Variants in TRPM3 observed in about 807,000 individuals in gnomAD.
TRPM3 encodes the protein long transient receptor potential channel 3.
A neutral mutation model predicts 181.2 loss-of-function variants in TRPM3; 77 were observed. The observed-to-expected ratio is 0.42, with a 90% CI of 0.35 to 0.51. TRPM3 has a LOEUF of 0.51. Among genes scored for constraint, TRPM3 ranks in the 20% least tolerant of loss-of-function variants. The pLI is 0.01. For synonymous variants in TRPM3, 745 were observed against 796.4 expected (o/e 0.94, Z 1.09); for missense variants, 1,759 against 2,196.7 (o/e 0.80, Z 3.98).
chr9:71,433,884 G>A lies in TRPM3; in HGVS notation c.183+12769C>T, dbSNP rs189810745. On this transcript the variant is annotated intron_variant, in intron 1 of 24. Coordinates refer to the TRPM3 transcript ENST00000357533. ...AGAATGTCATCCTGAGGCTGGGCACGGTGACTCACATCTGTAATCCCAGCA... is the reference window on the plus strand; with the variant it reads ...AGAATGTCATCCTGAGGCTGGGCACAGTGACTCACATCTGTAATCCCAGCA... Among the ~76,000 whole-genome samples, 653 of 152,218 alleles carry A rather than the reference G, an allele frequency of 4.3e-3. 3 individuals carry two copies. Among genetic ancestry groups the A allele is most frequent in the African/African-American group, 0.015 (617 of 41,526 alleles).
At chr9:71,215,618 T>G (rs1321642551) in intron 1 of TRPM3, among the ~76,000 whole-genome samples, 1 of 152,222 alleles carries the variant, frequency 6.6e-6, no homozygotes, top group East Asian at 1.9e-4. Flanking sequence ...CACTAAATTT[T>G]TTAGACCATG....
At chr9:70,776,278 T>C (rs2130701369) in intron 7 of TRPM3, 1 of 525,088 alleles carries the variant, frequency 1.9e-6, no homozygotes, top group Non-Finnish European at 3.4e-6. Context: ...AGGTTAGGAC[T>C]CTTTAAAGGC....
At chr9:70,780,853 C>T (rs139796870) in intron 7 of TRPM3, among the ~76,000 whole-genome samples, 53 of 152,180 alleles carry the variant, frequency 3.5e-4, no homozygotes, top group Non-Finnish European at 5.4e-4. Context: ...AATTTTAAAA[C>T]GTCTTAAGAT....
intron 7 of TRPM3, among the ~76,000 whole-genome samples, chr9:70,770,596 T>C (rs2080033836): frequency 6.6e-6 from 1 of 152,244 alleles, no homozygotes; most frequent in Non-Finnish European, 1.5e-5. Flanking sequence ...TGCTATGGTA[T>C]GGTGCCTTTG....
intron 1 of TRPM3, among the ~76,000 whole-genome samples, chr9:71,086,826 G>C (rs1222568100): frequency 6.6e-6 from 1 of 152,040 alleles, no homozygotes; most frequent in East Asian, 1.9e-4. Flanking sequence ...GGCAGAGCTA[G>C]GAGTAGGTTA....
chr9:71,203,827 C>T (rs2078949388), intron 1 of TRPM3, among the ~76,000 whole-genome samples: 1 of 152,100 alleles, frequency 6.6e-6, no homozygotes, highest in South Asian at 2.1e-4. Flanking sequence ...TTTTCTGCTT[C>T]TCCTCCTCCT....
chr9:70,959,396 AT>A (rs1199188438), intron 1 of TRPM3, among the ~76,000 whole-genome samples: 4 of 152,128 alleles, frequency 2.6e-5, no homozygotes, highest in Non-Finnish European at 5.9e-5. Flanking sequence ...GTACTGGATG[AT>A]GGCAGAAGGG....
chr9:71,072,665 C>T (rs1381166617), intron 1 of TRPM3, among the ~76,000 whole-genome samples: 5 of 152,158 alleles, frequency 3.3e-5, no homozygotes, highest in African/African-American at 4.8e-5. Flanking sequence ...GGCACAATAT[C>T]ATGCATTGTT....
At chr9:71,158,656 G>A (rs1204212338) in intron 1 of TRPM3, among the ~76,000 whole-genome samples, 1 of 152,054 alleles carries the variant, frequency 6.6e-6, no homozygotes, top group Non-Finnish European at 1.5e-5. Context: ...CTCTTATAGA[G>A]CCTGTGATGG....
At chr9:71,077,260 A>C (rs946006863) in intron 1 of TRPM3, among the ~76,000 whole-genome samples, 1 of 150,160 alleles carries the variant, frequency 6.7e-6, no homozygotes, top group Non-Finnish European at 1.5e-5. Context: ...ACTCAGAAGT[A>C]CTTCTAGGTT....
intron 1 of TRPM3, among the ~76,000 whole-genome samples, chr9:70,960,130 T>A (rs1296513921): frequency 6.6e-6 from 1 of 152,166 alleles, no homozygotes; most frequent in Non-Finnish European, 1.5e-5. Flanking sequence ...GTTCTTTTTT[T>A]TTTTTTTTAA....
Position 70,536,492 on chromosome 9 carries a change from T to A in TRPM3, c.4621A>T (p.Arg1541Trp), listed in dbSNP as rs1462445519. The A allele has an allele frequency of 6.2e-7, 1 of 1,614,140 alleles. No individual in the cohort carries two copies. The highest frequency in any genetic ancestry group is 1.7e-5 in the Admixed American group (1 of 60,014). The stretch of plus-strand genomic sequence containing the variant: ...ACCCCAAAGTTGGCATAATAGCTCC[T>A]TGAGGGGGAAAACATAAAGCTATGA... ...KSHSFMFSPS[R>W]SYYANFGVPV... is the part of the protein sequence containing the mutation. The change falls in exon 26 of 26, where the codon AGG (arginine) becomes TGG (tryptophan). Residue 1541 changes from arginine (R) to tryptophan (W), a missense_variant. Arg to Trp is a moderately radical substitution (Grantham distance 101). Transcript: ENST00000677713.
At chr9:71,218,920 A>T (rs1176555602) in intron 1 of TRPM3, among the ~76,000 whole-genome samples, 1 of 152,228 alleles carries the variant, frequency 6.6e-6, no homozygotes, top group African/African-American at 2.4e-5. Context: ...GTAGGTCCAC[A>T]TTCCAATGAA....
chr9:71,012,206 G>A (rs1208738415), intron 1 of TRPM3, among the ~76,000 whole-genome samples: 3 of 152,036 alleles, frequency 2.0e-5, no homozygotes, highest in Non-Finnish European at 4.4e-5. Context: ...TTGCAAATAG[G>A]TATTGTGTTT....
At chr9:71,017,464 T>A (rs1430293420) in intron 1 of TRPM3, among the ~76,000 whole-genome samples, 2 of 151,884 alleles carry the variant, frequency 1.3e-5, no homozygotes, top group African/African-American at 4.8e-5. Flanking sequence ...GACTATATGC[T>A]GATTACAAGA....
chr9:70,770,234 C>T (rs1687784645), intron 7 of TRPM3, among the ~76,000 whole-genome samples: 1 of 152,124 alleles, frequency 6.6e-6, no homozygotes. Flanking sequence ...AACTCAAAAA[C>T]ATATATTTGG....
chr9:71,399,124 C>CATT (rs3041744), intron 1 of TRPM3, among the ~76,000 whole-genome samples: 124,880 of 146,692 alleles, frequency 0.85, 51,712 homozygotes, highest in East Asian at 0.96. Context: ...TTCATAACAG[C>CATT]ATTTATATAA....
At chr9:71,192,298 G>C (rs1476209330) in intron 1 of TRPM3, among the ~76,000 whole-genome samples, 1 of 151,750 alleles carries the variant, frequency 6.6e-6, no homozygotes, top group Non-Finnish European at 1.5e-5. Context: ...AAAATCATGA[G>C]AATTATGAAA....
chr9:71,092,115 C>T (rs973419390), intron 1 of TRPM3, among the ~76,000 whole-genome samples: 5 of 152,074 alleles, frequency 3.3e-5, no homozygotes, highest in African/African-American at 1.2e-4. Context: ...TCTAGCCCAG[C>T]CTCTGACAGA....
Sources: allele counts gnomAD v4.1 joint callset (sites outside exome capture counted in the v4.1 genomes callset), GRCh38; gene constraint gnomAD v4.1.1; transcripts MANE v1.5; gene names NCBI Gene and HGNC (gene_info 2026-07-23, HGNC 2026-07-21).